PCDH15: variants seen among roughly 807,000 people sequenced by gnomAD.
PCDH15 encodes protocadherin-15.
Under a neutral mutation model 178.5 loss-of-function variants are expected in PCDH15, and 129 were observed. The observed-to-expected ratio is 0.72, with a 90% CI of 0.63 to 0.84. PCDH15 has a LOEUF of 0.84. Ranked by LOEUF, PCDH15 falls within the 40% of genes least tolerant of loss-of-function variation. PCDH15 has a pLI of 0.00. For missense variants in PCDH15, 2,230 were observed against 2,099.9 expected, an observed-to-expected ratio of 1.06 and a Z score of -1.21; for synonymous variants, 800 against 732.0, an observed-to-expected ratio of 1.09 and a Z score of -1.50.
chr10:54,428,268 C>T (rs1209781245), intron 3 of PCDH15, among the ~76,000 whole-genome samples: 2 of 152,168 alleles, frequency 1.3e-5, no homozygotes, highest in African/African-American at 4.8e-5. Context: ...TGTAGTGATA[C>T]AAAGATGCAA....
In PCDH15 at chr10:55,554,219, C is replaced by G. The variant is rs1436019441; in HGVS notation, c.-156+73406G>C. Among the ~76,000 whole-genome samples, 3 of 152,156 alleles carry G rather than the reference C, an allele frequency of 2.0e-5. No homozygotes were observed. In the East Asian group the frequency reaches 5.8e-4, roughly 29 times the overall value. On this transcript the variant is annotated intron_variant, in intron 2 of 5. Coordinates refer to the PCDH15 transcript ENST00000613346. Reference sequence around the variant, plus strand: ...CCACATTTGCATTAGGAAGCTGCAACATTTTCTAGTCTCAATTTCTCAACC... The same window carrying G: ...CCACATTTGCATTAGGAAGCTGCAAGATTTTCTAGTCTCAATTTCTCAACC...
In PCDH15 at chr10:54,721,009, T is replaced by C. The variant is rs1287480933; in HGVS notation, c.-28-56719A>G. ...TTAGCCATCCAGCAAGTCTCCATAA[T>C]TTTTTAACAATAAATCATATCAAGT... On this transcript the variant is annotated intron_variant, in intron 1 of 37. Transcript: ENST00000644397. Among the ~76,000 whole-genome samples, 5 of 152,110 alleles carry C rather than the reference T, an allele frequency of 3.3e-5. No homozygotes were observed. In the East Asian group the frequency reaches 7.8e-4, roughly 24 times the overall value.
intron 26 of PCDH15, among the ~76,000 whole-genome samples, chr10:53,892,948 T>C (rs1323351344): frequency 1.3e-5 from 2 of 152,148 alleles, no homozygotes; most frequent in African/African-American, 2.4e-5. Context: ...TTTCTAAAAA[T>C]ATATGATATA....
chr10:54,970,233 T>G (rs1838897658), intron 2 of PCDH15, among the ~76,000 whole-genome samples: 1 of 152,204 alleles, frequency 6.6e-6, no homozygotes, highest in African/African-American at 2.4e-5. Context: ...AAAATAAATT[T>G]CTGTTTATAT....
intron 21 of PCDH15, chr10:53,995,061 T>A (rs2091760451): frequency 6.6e-6 from 1 of 152,078 alleles, no homozygotes; most frequent in Non-Finnish European, 1.5e-5. Flanking sequence ...TATAGAAAGC[T>A]TTTTTATATG....
At chr10:53,817,892 CAAAGA>C in intron 34 of PCDH15, 98 bp downstream of exon 34, 1 of 397,310 alleles carries the variant, frequency 2.5e-6, no homozygotes, top group East Asian at 3.6e-5. Context: ...TTGCTGAAAT[CAAAGA>C]AAATAAACTA....
At chr10:55,223,367 C>T (rs887047191) in intron 1 of PCDH15, among the ~76,000 whole-genome samples, 1 of 152,148 alleles carries the variant, frequency 6.6e-6, no homozygotes, top group African/African-American at 2.4e-5. Context: ...GCACCTTTTT[C>T]AAGGATACAG....
chr10:54,080,099 T>C (rs1222387866), intron 16 of PCDH15, among the ~76,000 whole-genome samples: 1 of 152,060 alleles, frequency 6.6e-6, no homozygotes, highest in African/African-American at 2.4e-5. Context: ...AATATAATTG[T>C]ATTAGAATTC....
chr10:55,288,423 A>G (rs556870695), intron 1 of PCDH15, among the ~76,000 whole-genome samples: 1 of 151,974 alleles, frequency 6.6e-6, no homozygotes, highest in African/African-American at 2.4e-5. Context: ...GAAAATGTGT[A>G]AGTACACAAT....
intron 11 of PCDH15, among the ~76,000 whole-genome samples, chr10:54,191,433 T>C (rs191418952): frequency 2.6e-5 from 4 of 152,120 alleles, no homozygotes; most frequent in African/African-American, 7.2e-5. Context: ...GCCTAGAACA[T>C]GTAATGAGCA....
chr10:54,186,358 A>G (rs2048473146), intron 11 of PCDH15, among the ~76,000 whole-genome samples: 1 of 152,054 alleles, frequency 6.6e-6, no homozygotes, highest in African/African-American at 2.4e-5. Flanking sequence ...TTTGAAAATA[A>G]TAGAACTCAT....
chr10:54,553,265 G>A (rs1258478338), intron 2 of PCDH15, among the ~76,000 whole-genome samples: 1 of 152,126 alleles, frequency 6.6e-6, no homozygotes, highest in African/African-American at 2.4e-5. Flanking sequence ...CCTCTCTGAT[G>A]TGTCTTAAGA....
chr10:53,831,312 T>C lies in PCDH15; in HGVS notation c.4202+3A>G, dbSNP rs1564563130. ...TCCAGGTTTACCATCCTTGAATACT[T>C]ACTGTCTGTAGCTGACCAAAACCAC... On this transcript the variant is annotated splice_donor_region_variant and intron_variant, in intron 30 of 37. Coordinates refer to ENST00000644397, the MANE Select transcript of PCDH15 (RefSeq NM_001384140.1). The C allele has an allele frequency of 1.2e-6, 2 of 1,613,778 alleles. No individual in the cohort carries two copies. Among genetic ancestry groups the C allele is most frequent in the African/African-American group, 1.3e-5 (1 of 74,924 alleles).
At chr10:55,144,791 T>G (rs987532257) in intron 2 of PCDH15, among the ~76,000 whole-genome samples, 1 of 152,018 alleles carries the variant, frequency 6.6e-6, no homozygotes, top group Non-Finnish European at 1.5e-5. Flanking sequence ...CATTTATTTT[T>G]ATTTGCACGA....
chr10:55,182,929 G>T (rs1211058703), intron 1 of PCDH15, among the ~76,000 whole-genome samples: 1 of 151,950 alleles, frequency 6.6e-6, no homozygotes, highest in Non-Finnish European at 1.5e-5. Context: ...TGAGCCAATG[G>T]TCTGTATCCA....
rs140327252 is a variant in PCDH15 at position 54,895,963 on chromosome 10, C to T, written c.-29+1487G>A. ...GTGCAGTGGCACTATCTCGGCTCAC[C>T]ACAACCTCCGCCTCCCGGGTTCAAG... On this transcript the variant is annotated intron_variant, in intron 3 of 5. Coordinates refer to the PCDH15 transcript ENST00000458638. Among the ~76,000 whole-genome samples, 896 of 151,972 alleles carry T rather than the reference C, an allele frequency of 5.9e-3. 9 individuals carry two copies. Among genetic ancestry groups the T allele is most frequent in the African/African-American group, 0.021 (856 of 41,494 alleles).
At chr10:54,460,693 C>A (rs1442742427) in intron 3 of PCDH15, among the ~76,000 whole-genome samples, 1 of 152,076 alleles carries the variant, frequency 6.6e-6, no homozygotes, top group Admixed American at 6.6e-5. Flanking sequence ...AAATAACTTT[C>A]ATCTCTCTGG....
chr10:54,183,421 A>G (rs2048190148), intron 13 of PCDH15, 23 bp downstream of exon 13: 7 of 1,588,430 alleles, frequency 4.4e-6, no homozygotes, highest in African/African-American at 1.3e-5. Flanking sequence ...TTGAGTGTAC[A>G]CTTATATTAT....
intron 2 of PCDH15, among the ~76,000 whole-genome samples, chr10:54,576,382 G>T (rs1479945896): frequency 2.0e-5 from 3 of 152,184 alleles, no homozygotes; most frequent in Non-Finnish European, 4.4e-5. Flanking sequence ...CTGATCAGCT[G>T]ACATCCTCCT....
Sources: allele counts gnomAD v4.1 joint callset (sites outside exome capture counted in the v4.1 genomes callset), GRCh38; gene constraint gnomAD v4.1.1; transcripts MANE v1.5; gene names NCBI Gene and HGNC (gene_info 2026-07-23, HGNC 2026-07-21).